The following SRPK1 variants were observed in gnomAD, a reference collection of about 807,000 sequenced individuals.
SRPK1 encodes SRSF protein kinase 1, also known as SFRS protein kinase 1.
A neutral mutation model predicts 89.5 loss-of-function variants in SRPK1; 52 were observed. That is an observed-to-expected ratio of 0.58 (90% CI 0.46 to 0.73). SRPK1 has a LOEUF of 0.73. Among genes scored for constraint, SRPK1 ranks in the 30% least tolerant of loss-of-function variants. The pLI is 0.00. For synonymous variants in SRPK1, 255 were observed against 270.2 expected (o/e 0.94, Z 0.55); for missense variants, 603 against 780.6 (o/e 0.77, Z 2.71).
intron 13 of SRPK1, among the ~76,000 whole-genome samples, chr6:35,843,127 C>T (rs557076848): frequency 6.6e-6 from 1 of 151,846 alleles, no homozygotes; most frequent in East Asian, 1.9e-4. Context: ...CACCACCACG[C>T]CCAGCTAATT....
intron 1 of SRPK1, chr6:35,920,742 C>G (rs1771217994): frequency 1.1e-5 from 1 of 90,092 alleles, no homozygotes; most frequent in Non-Finnish European, 1.8e-5. Context: ...CAGGCCGGGT[C>G]AGGGGGCGGG....
chr6:35,871,006 A>C (rs1466646467), intron 8 of SRPK1, 47 bp from the exon 9 acceptor site: 1 of 1,535,508 alleles, frequency 6.5e-7, no homozygotes, highest in Admixed American at 1.8e-5. Context: ...TTCATCAGGC[A>C]ATATAAACTA....
At chr6:35,851,889 CAAT>C (rs1175969717) in intron 13 of SRPK1, among the ~76,000 whole-genome samples, 2 of 152,108 alleles carry the variant, frequency 1.3e-5, no homozygotes, top group African/African-American at 4.8e-5. Flanking sequence ...AAAAAGTAAA[CAAT>C]AAGGGCAAGG....
intron 2 of SRPK1, among the ~76,000 whole-genome samples, chr6:35,899,755 G>A (rs1770703408): frequency 6.6e-6 from 1 of 152,058 alleles, no homozygotes; most frequent in East Asian, 1.9e-4. Flanking sequence ...TAATCCCAGA[G>A]CTTTGGGAAG....
intron 13 of SRPK1, among the ~76,000 whole-genome samples, chr6:35,846,938 G>A (rs1286716762): frequency 2.0e-5 from 3 of 152,140 alleles, no homozygotes; most frequent in African/African-American, 7.2e-5. Context: ...AAATGCATGT[G>A]ACAAAATTCA....
At chr6:35,857,403 A>G (rs1769687768) in intron 12 of SRPK1, 35 bp from the exon 13 acceptor site, 1 of 1,507,498 alleles carries the variant, frequency 6.6e-7, no homozygotes, top group Non-Finnish European at 9.1e-7. Flanking sequence ...TTTAAACTTC[A>G]TTCTAAAAAG....
Position 35,872,459 on chromosome 6 carries a change from T to C in SRPK1, c.751+104A>G, listed in dbSNP as rs368113646. 3.7e-5 allele frequency: 39 copies of C among 1,047,530 alleles called. No homozygotes were observed. In the South Asian group the frequency reaches 7.9e-4, roughly 21 times the overall value. 64.9% of individuals were successfully genotyped at this position (1,047,530 alleles called of 1,614,324 possible). On this transcript the variant is annotated intron_variant, in intron 8 of 15. Coordinates refer to ENST00000373825, the MANE Select transcript of SRPK1 (RefSeq NM_003137.5). ...CTGATAATGTTTCTTAAATATGTTA[T>C]TGTTGAAATGGATTGAGTGGTGTTT...
rs775147560 is a variant in SRPK1, at chr6:35,868,998, A to G, written c.1512+12T>C. 6.2e-7 allele frequency: 1 copy of G among 1,610,554 alleles called. No individual in the cohort carries two copies. The highest frequency in any genetic ancestry group is 2.2e-5 in the East Asian group (1 of 44,832). On this transcript the variant is annotated intron_variant, in intron 12 of 15. Transcript: ENST00000373825. ...GTCACTTCAAAACACCATTAAGGCA[A>G]GTTTAACTTACCACCCAACAAGCAT...
chr6:35,873,652 G>T (rs1270129499), intron 7 of SRPK1, among the ~76,000 whole-genome samples: 1 of 151,786 alleles, frequency 6.6e-6, no homozygotes, highest in Non-Finnish European at 1.5e-5. Flanking sequence ...ACCACACCCG[G>T]CTAATTTTTG....
intron 6 of SRPK1, among the ~76,000 whole-genome samples, chr6:35,881,979 AC>A (rs1208893014): frequency 6.6e-6 from 1 of 152,028 alleles, no homozygotes; most frequent in African/African-American, 2.4e-5. Flanking sequence ...TAATGACTGC[AC>A]AATTTTATGT....
rs1405114325 is a variant in SRPK1 at position 35,844,087 on chromosome 6, C to G, written c.1621-1483G>C. On this transcript the variant is annotated intron_variant, in intron 13 of 15. Transcript: ENST00000373825. ...TGGCACAATCTCGGCTCACTGCAAG[C>G]TCCGCCTCCCAGGTTCATGTCATTC... Among the ~76,000 whole-genome samples, 3 of 149,030 alleles carry G rather than the reference C, an allele frequency of 2.0e-5. No homozygotes were observed. The Admixed American group carries it at 2.0e-4, about 10-fold the overall frequency.
At position 35,857,308 on chromosome 6, in the gene SRPK1, C is replaced by T. The variant is rs1251408261; in HGVS notation, c.1573G>A (p.Gly525Arg). The T allele has an allele frequency of 5.0e-6, 8 of 1,613,118 alleles. No homozygotes were observed. Among genetic ancestry groups the T allele is most frequent in the East Asian group, 2.2e-5 (1 of 44,878 alleles). ...TCAGCAGGGGTATTATAGCCAGATC[C>T]GATTAGAACTTCCAAGGAACGATAT... ...RQYRSLEVLI[G>R]SGYNTPADIW... The change falls in exon 13 of 16, where the codon GGA becomes AGA. Residue 525 changes from glycine to arginine, a missense_variant. By Grantham distance (125) the Gly-to-Arg change is moderately radical (BLOSUM62 -2). Coordinates refer to ENST00000373825, the MANE Select transcript of SRPK1 (RefSeq NM_003137.5).
chr6:35,913,766 C>G (rs1412026881), intron 2 of SRPK1, among the ~76,000 whole-genome samples: 1 of 150,068 alleles, frequency 6.7e-6, no homozygotes, highest in Non-Finnish European at 1.5e-5. Flanking sequence ...CCACTGTACT[C>G]CAGTCTGGGT....
In SRPK1 at chr6:35,841,563, ATG is replaced by A. The variant is rs547002487; in HGVS notation, c.1690+970_1690+971del. Among the ~76,000 whole-genome samples, 564 of 152,140 alleles carry A rather than the reference ATG, an allele frequency of 3.7e-3. 2 individuals carry two copies. The highest frequency in any genetic ancestry group is 0.013 in the African/African-American group (528 of 41,524). Reference sequence around the variant, plus strand: ...TAAAACATTTTCTTGGCTGAGCGTGATGGCTCACGCCTGTAATCCCAGCACTT... The same window carrying A: ...TAAAACATTTTCTTGGCTGAGCGTGAGCTCACGCCTGTAATCCCAGCACTT... On this transcript the variant is annotated intron_variant, in intron 14 of 15. Transcript: ENST00000373825.
chr6:35,908,979 A>G (rs777359520), intron 2 of SRPK1, among the ~76,000 whole-genome samples: 48 of 152,242 alleles, frequency 3.2e-4, no homozygotes, highest in Non-Finnish European at 5.3e-4. Flanking sequence ...CCCAGGCAGA[A>G]GTCTGCTGCA....
chr6:35,852,924 GCAA>G (rs1421316675), intron 13 of SRPK1, among the ~76,000 whole-genome samples: 3 of 152,094 alleles, frequency 2.0e-5, no homozygotes, highest in Non-Finnish European at 4.4e-5. Context: ...TTCAGAAACA[GCAA>G]CAACAACAGC....
intron 12 of SRPK1, among the ~76,000 whole-genome samples, chr6:35,867,333 ACAT>A (rs1346006619): frequency 5.3e-5 from 8 of 152,164 alleles, no homozygotes; most frequent in Admixed American, 3.9e-4. Context: ...AAGCTGCTCC[ACAT>A]TCTTATTAGT....
chr6:35,836,296 C>A (rs2859421), intron 15 of SRPK1, among the ~76,000 whole-genome samples: 4 of 152,098 alleles, frequency 2.6e-5, no homozygotes, highest in African/African-American at 9.7e-5. Flanking sequence ...CCCAACCCCC[C>A]CATCCATTGA....
intron 13 of SRPK1, among the ~76,000 whole-genome samples, chr6:35,845,570 C>T (rs971370927): frequency 7.2e-5 from 11 of 152,204 alleles, no homozygotes; most frequent in Admixed American, 5.9e-4. Context: ...AGACTAATTA[C>T]ATTCAGATCC....
Sources: allele counts gnomAD v4.1 joint callset (sites outside exome capture counted in the v4.1 genomes callset), GRCh38; gene constraint gnomAD v4.1.1; transcripts MANE v1.5; gene names NCBI Gene and HGNC (gene_info 2026-07-23, HGNC 2026-07-21).